The following QKI variants were observed in gnomAD, a reference collection of about 807,000 sequenced individuals.
QKI encodes KH domain-containing RNA-binding protein QKI.
In QKI, 10 loss-of-function variants were observed where a neutral mutation model predicts 39.0. The ratio of observed to expected loss-of-function variants is 0.26; its 90% confidence interval spans 0.16 to 0.43. QKI has a LOEUF of 0.43. QKI is among the 20% of genes least tolerant of loss of function. The pLI is 1.00. For missense variants in QKI, 218 were observed against 428.0 expected (o/e 0.51, Z 4.33); for synonymous variants, 204 against 155.4 (o/e 1.31, Z -2.33).
intron 3 of QKI, among the ~76,000 whole-genome samples, chr6:163,528,161 C>T (rs1184249221): frequency 1.3e-5 from 2 of 152,082 alleles, no homozygotes; most frequent in Non-Finnish European, 2.9e-5. Flanking sequence ...TATAGAAAGA[C>T]AAAACCAAAT....
chr6:163,478,489 ACT>A (rs1299564976), intron 2 of QKI, among the ~76,000 whole-genome samples: 3 of 151,626 alleles, frequency 2.0e-5, no homozygotes, highest in Non-Finnish European at 4.4e-5. Context: ...ACTCTTTAAT[ACT>A]CTCTGTTTTA....
chr6:163,500,170 T>A (rs1778671043), intron 3 of QKI, among the ~76,000 whole-genome samples: 1 of 152,192 alleles, frequency 6.6e-6, no homozygotes, highest in Non-Finnish European at 1.5e-5. Context: ...CATATGCTTC[T>A]CTATAGGCTT....
chr6:163,453,090 CTTTTG>C (rs1790690269), intron 1 of QKI, among the ~76,000 whole-genome samples: 2 of 149,490 alleles, frequency 1.3e-5, no homozygotes, highest in Middle Eastern at 3.2e-3. Context: ...GCAATAGATT[CTTTTG>C]TTTTTTTTTT....
At chr6:163,570,101 A>G in intron 7 of QKI, 5 of 986,134 alleles carry the variant, frequency 5.1e-6, no homozygotes, top group Non-Finnish European at 6.0e-6. Flanking sequence ...TTGTTTGTAA[A>G]TAGAATAATT....
intron 2 of QKI, among the ~76,000 whole-genome samples, chr6:163,455,894 A>T (rs913544993): frequency 6.6e-6 from 1 of 152,120 alleles, no homozygotes; most frequent in African/African-American, 2.4e-5. Context: ...CTCTATAAGC[A>T]TCTTGTTGTG....
intron 2 of QKI, among the ~76,000 whole-genome samples, chr6:163,456,248 CT>C (rs1465410516): frequency 6.6e-6 from 1 of 151,566 alleles, no homozygotes; most frequent in African/African-American, 2.4e-5. Context: ...TTCACGTTGT[CT>C]TTTTTTTTCT....
At chr6:163,549,928 A>G (rs1017640816) in intron 4 of QKI, among the ~76,000 whole-genome samples, 27 of 152,144 alleles carry the variant, frequency 1.8e-4, no homozygotes, top group African/African-American at 6.0e-4. Context: ...ATTTCTTAAC[A>G]TTGTATATAC....
chr6:163,549,341 A>G (rs1239296556), intron 4 of QKI, among the ~76,000 whole-genome samples: 1 of 152,150 alleles, frequency 6.6e-6, no homozygotes, highest in African/African-American at 2.4e-5. Flanking sequence ...CATCCCAGAG[A>G]AAGTGTTCTC....
intron 6 of QKI, chr6:163,565,640 A>C: frequency 9.6e-7 from 1 of 1,046,626 alleles, no homozygotes; most frequent in Non-Finnish European, 1.2e-6. Flanking sequence ...GGTGAATAAT[A>C]ATAAGTGCCC....
intron 3 of QKI, among the ~76,000 whole-genome samples, chr6:163,483,254 G>A (rs968715704): frequency 2.6e-5 from 4 of 152,186 alleles, no homozygotes; most frequent in African/African-American, 9.7e-5. Context: ...ATCTTTTGCT[G>A]GTGGAAGGCC....
At position 163,534,899 on chromosome 6, in the gene QKI, A is replaced by G. The variant is rs560523196; in HGVS notation, c.403-83A>G. On this transcript the variant is annotated intron_variant, in intron 3 of 7. Transcript: ENST00000361752. ...AAATAATGCAAACATAGCTGAAATAATTGACAACAGGTTAGTATTATGAAA... is the reference window on the plus strand; with the variant it reads ...AAATAATGCAAACATAGCTGAAATAGTTGACAACAGGTTAGTATTATGAAA... The G allele has an allele frequency of 1.3e-5, 14 of 1,101,884 alleles. No individual in the cohort carries two copies. In the African/African-American group the frequency reaches 1.5e-4, roughly 11 times the overall value. 68.3% of individuals were successfully genotyped at this position (1,101,884 alleles called of 1,614,324 possible).
intron 4 of QKI, among the ~76,000 whole-genome samples, chr6:163,537,802 A>AC (rs1166415937): frequency 6.6e-6 from 1 of 152,054 alleles, no homozygotes; most frequent in East Asian, 1.9e-4. Context: ...TTGTATCAGA[A>AC]CCCCACAACT....
At chr6:163,565,119 G>C (rs1011741269) in intron 6 of QKI, 2 of 1,010,646 alleles carry the variant, frequency 2.0e-6, no homozygotes, top group African/African-American at 3.4e-5. Context: ...AGTAATTGCA[G>C]GTCAGAATTA....
intron 2 of QKI, among the ~76,000 whole-genome samples, chr6:163,464,495 C>T (rs987711961): frequency 1.3e-5 from 2 of 151,954 alleles, no homozygotes; most frequent in Admixed American, 6.6e-5. Flanking sequence ...AGTCAAAATA[C>T]ATGAAGGAGA....
At chr6:163,462,606 A>G (rs1358110239) in intron 2 of QKI, among the ~76,000 whole-genome samples, 1 of 152,228 alleles carries the variant, frequency 6.6e-6, no homozygotes, top group Non-Finnish European at 1.5e-5. Context: ...GATTAAAACA[A>G]AACTCTTAAA....
At chr6:163,539,124 G>A (rs1266470375) in intron 4 of QKI, among the ~76,000 whole-genome samples, 3 of 152,080 alleles carry the variant, frequency 2.0e-5, no homozygotes, top group Non-Finnish European at 4.4e-5. Context: ...ACTAAACCTG[G>A]GGTGCTTCAC....
At chr6:163,512,081 AT>A (rs1168303716) in intron 3 of QKI, among the ~76,000 whole-genome samples, 5 of 152,114 alleles carry the variant, frequency 3.3e-5, no homozygotes, top group Non-Finnish European at 7.4e-5. Context: ...TAACAATAGA[AT>A]AAAGGTGTAA....
intron 1 of QKI, among the ~76,000 whole-genome samples, chr6:163,425,692 A>G (rs1436141576): frequency 6.6e-6 from 1 of 152,194 alleles, no homozygotes; most frequent in African/African-American, 2.4e-5. Flanking sequence ...ACTAGAAACA[A>G]GTCTTTGTTT....
Position 163,557,456 on chromosome 6 carries a change from C to T in QKI, c.547-4526C>T, listed in dbSNP as rs992191794. The stretch of plus-strand genomic sequence containing the variant: ...CAGAAAGAATCTTCACATGTTCTCA[C>T]TTTTTTGTGGGAGCTAAAAAAATTA... On this transcript the variant is annotated intron_variant, in intron 4 of 7. Transcript: ENST00000361752. Among the ~76,000 whole-genome samples, 5 of 152,144 alleles carry T rather than the reference C, an allele frequency of 3.3e-5. No homozygotes were observed. The South Asian group carries it at 6.2e-4, about 19-fold the overall frequency.
Sources: gnomAD v4.1 joint callset for allele counts (sites outside exome capture counted in the v4.1 genomes callset) on GRCh38, gnomAD v4.1.1 for gene constraint, MANE v1.5 for transcripts, NCBI Gene and HGNC (gene_info 2026-07-23, HGNC 2026-07-21) for gene names.